Variants in ARHGAP15 observed in about 807,000 individuals in gnomAD.
The protein encoded by ARHGAP15 is Rho GTPase activating protein 15.
In ARHGAP15, 51 loss-of-function variants were observed where a neutral mutation model predicts 63.7. The ratio of observed to expected loss-of-function variants is 0.80; its 90% CI spans 0.64 to 1.01. The LOEUF is 1.01. Among genes scored for constraint, ARHGAP15 ranks in the 50% least tolerant of loss-of-function variants. ARHGAP15 has a pLI of 0.00. For missense variants in ARHGAP15, 560 were observed against 564.6 expected, an observed-to-expected ratio of 0.99 and a Z score of 0.08; for synonymous variants, 191 against 193.8, an observed-to-expected ratio of 0.99 and a Z score of 0.12.
In ARHGAP15 at chr2:143,542,648, A is replaced by G. The variant is rs534065123; in HGVS notation, c.926-13760A>G. Among the ~76,000 whole-genome samples, 9 of 142,938 alleles carry G rather than the reference A, an allele frequency of 6.3e-5. No individual in the cohort carries two copies. The South Asian group carries it at 1.9e-3, about 31-fold the overall frequency. 93.8% of individuals were successfully genotyped at this position (142,938 alleles called of 152,430 possible). A position where few individuals can be genotyped will look rare whatever the true frequency, so the allele number is the denominator to read the frequency against. ...TATATATATGATTTAAAATATATATATGATATATATTATATATATGATATA... is the reference window on the plus strand; with the variant it reads ...TATATATATGATTTAAAATATATATGTGATATATATTATATATATGATATA... On this transcript the variant is annotated intron_variant, in intron 10 of 13. Coordinates refer to ENST00000295095, the MANE Select transcript of ARHGAP15 (RefSeq NM_018460.4).
intron 2 of ARHGAP15, among the ~76,000 whole-genome samples, chr2:143,169,225 G>A (rs1690668342): frequency 2.0e-5 from 3 of 151,968 alleles, no homozygotes; most frequent in Admixed American, 1.3e-4. Context: ...CTGGCATCTG[G>A]GGCTGGTTCC....
At position 143,368,274 on chromosome 2, in the gene ARHGAP15, G is replaced by A. The variant is rs1246323565; in HGVS notation, c.475-67327G>A. ...TGATTGGAGTAAAGAAATATGAAGAGCGTCTTAGACGACTTTCTAGAGCAA... is the reference window on the plus strand; with the variant it reads ...TGATTGGAGTAAAGAAATATGAAGAACGTCTTAGACGACTTTCTAGAGCAA... On this transcript the variant is annotated intron_variant, in intron 6 of 13. Coordinates refer to ENST00000295095, the MANE Select transcript of ARHGAP15 (RefSeq NM_018460.4). 2.0e-5 allele frequency among the ~76,000 whole-genome samples: 3 copies of A among 152,028 alleles called. No homozygotes were observed. In the East Asian group the frequency reaches 5.8e-4, roughly 29 times the overall value.
intron 11 of ARHGAP15, among the ~76,000 whole-genome samples, chr2:143,623,804 C>A (rs1698735662): frequency 6.6e-6 from 1 of 152,236 alleles, no homozygotes; most frequent in South Asian, 2.1e-4. Flanking sequence ...GCCTCAAAAC[C>A]AAATAGCTTT....
chr2:143,503,446 C>G (rs1356596383), intron 9 of ARHGAP15, among the ~76,000 whole-genome samples: 4 of 152,200 alleles, frequency 2.6e-5, no homozygotes, highest in Non-Finnish European at 5.9e-5. Flanking sequence ...CTGCTACTTA[C>G]TTGTTTTGTG....
At chr2:143,729,781 A>G (rs749919724) in intron 13 of ARHGAP15, among the ~76,000 whole-genome samples, 10 of 152,256 alleles carry the variant, frequency 6.6e-5, no homozygotes, top group Non-Finnish European at 1.3e-4. Context: ...CAAGTGAAAT[A>G]ATGATTTAGA....
chr2:143,231,885 T>C (rs749441977), intron 5 of ARHGAP15, among the ~76,000 whole-genome samples: 1 of 152,210 alleles, frequency 6.6e-6, no homozygotes, highest in Non-Finnish European at 1.5e-5. Context: ...GAGCAGACGT[T>C]CGTGTCTTTT....
intron 13 of ARHGAP15, among the ~76,000 whole-genome samples, chr2:143,749,133 GC>G: frequency 6.6e-6 from 1 of 152,154 alleles, no homozygotes; most frequent in African/African-American, 2.4e-5. Flanking sequence ...GTCAAAGAGA[GC>G]TTACCCTAAA....
At chr2:143,516,138 C>G (rs1394439187) in intron 9 of ARHGAP15, among the ~76,000 whole-genome samples, 1 of 152,172 alleles carries the variant, frequency 6.6e-6, no homozygotes, top group Non-Finnish European at 1.5e-5. Context: ...ATAAAATGTT[C>G]TTACCTGTTT....
chr2:143,261,663 T>C (rs527383755), intron 6 of ARHGAP15, among the ~76,000 whole-genome samples: 71 of 152,196 alleles, frequency 4.7e-4, no homozygotes, highest in Non-Finnish European at 6.8e-4. Context: ...TTTTCGTTCA[T>C]AGGAATCTAG....
At chr2:143,355,168 G>A (rs1685754346) in intron 6 of ARHGAP15, among the ~76,000 whole-genome samples, 1 of 152,088 alleles carries the variant, frequency 6.6e-6, no homozygotes, top group Admixed American at 6.6e-5. Context: ...AAATATTTAA[G>A]AATTAGAAGG....
intron 11 of ARHGAP15, among the ~76,000 whole-genome samples, chr2:143,563,649 T>C (rs548670614): frequency 4.2e-4 from 64 of 152,338 alleles, no homozygotes; most frequent in African/African-American, 1.5e-3. Context: ...GTCAGAGTTA[T>C]GTAACTACTA....
chr2:143,224,034 G>A (rs13004383), intron 4 of ARHGAP15, among the ~76,000 whole-genome samples: 22,176 of 152,140 alleles, frequency 0.15, 1,698 homozygotes, highest in Middle Eastern at 0.24. Flanking sequence ...TGTTTGGCAC[G>A]TGGTAAATGT....
intron 13 of ARHGAP15, among the ~76,000 whole-genome samples, chr2:143,739,129 C>T (rs1685865557): frequency 6.6e-6 from 1 of 152,118 alleles, no homozygotes; most frequent in African/African-American, 2.4e-5. Context: ...AGCCCATCTG[C>T]ATGCACACTC....
intron 2 of ARHGAP15, chr2:143,162,561 T>A (rs979216740): frequency 6.6e-6 from 1 of 151,992 alleles, no homozygotes; most frequent in African/African-American, 2.4e-5. Flanking sequence ...TAAAGGAGAA[T>A]TACTGATGAA....
chr2:143,186,894 TA>T (rs1369422473), intron 2 of ARHGAP15, among the ~76,000 whole-genome samples: 16 of 152,224 alleles, frequency 1.1e-4, no homozygotes, highest in Non-Finnish European at 1.0e-4. Context: ...GAGTTATTTT[TA>T]AAAAATTAAT....
intron 13 of ARHGAP15, among the ~76,000 whole-genome samples, chr2:143,711,050 T>C (rs1437597239): frequency 3.9e-5 from 6 of 152,196 alleles, no homozygotes; most frequent in Non-Finnish European, 7.4e-5. Flanking sequence ...CTGCCTCCTG[T>C]TTTTGTCAAT....
At chr2:143,157,534 A>G (rs1287635218) in intron 2 of ARHGAP15, among the ~76,000 whole-genome samples, 2 of 151,752 alleles carry the variant, frequency 1.3e-5, no homozygotes, top group Non-Finnish European at 2.9e-5. Context: ...AGCCTGGGCA[A>G]TATGTATTCC....
chr2:143,746,021 C>G (rs1686150006), intron 13 of ARHGAP15, among the ~76,000 whole-genome samples: 1 of 152,114 alleles, frequency 6.6e-6, no homozygotes, highest in South Asian at 2.1e-4. Flanking sequence ...CTTTTTTCTC[C>G]AACTTCCTAT....
intron 2 of ARHGAP15, among the ~76,000 whole-genome samples, chr2:143,163,066 T>C (rs899474757): frequency 1.3e-5 from 2 of 152,072 alleles, no homozygotes; most frequent in Non-Finnish European, 2.9e-5. Flanking sequence ...AAACACAGTA[T>C]GTCAAATATT....
Sources: gnomAD v4.1 joint callset for allele counts (sites outside exome capture counted in the v4.1 genomes callset) on GRCh38, gnomAD v4.1.1 for gene constraint, MANE v1.5 for transcripts, NCBI Gene and HGNC (gene_info 2026-07-23, HGNC 2026-07-21) for gene names.